The following SLC18A1 variants were observed in gnomAD, a reference collection of about 807,000 sequenced individuals.
The protein encoded by SLC18A1 is chromaffin granule amine transporter.
In SLC18A1, 69 loss-of-function variants were observed where a neutral mutation model predicts 53.7. The observed-to-expected ratio is 1.28, with a 90% confidence interval of 1.06 to 1.57. The LOEUF (loss-of-function observed/expected upper bound fraction) is 1.57, where lower values mean the gene tolerates loss of function less well. SLC18A1 is among the 40% of genes most tolerant of loss of function. The pLI, the probability that SLC18A1 is intolerant of heterozygous loss-of-function variation, is 0.00. For synonymous variants in SLC18A1, 320 were observed against 248.1 expected (o/e 1.29, Z -2.72); for missense variants, 932 against 668.1 (o/e 1.40, Z -4.35).
At chr8:20,147,012 C>A (rs1206437500) in intron 15 of SLC18A1, among the ~76,000 whole-genome samples, 1 of 152,110 alleles carries the variant, frequency 6.6e-6, no homozygotes, top group Admixed American at 6.5e-5. Flanking sequence ...GCCCCCATTT[C>A]CCTTCTCTAC....
At chr8:20,174,128 G>A (rs2072196538) in intron 5 of SLC18A1, among the ~76,000 whole-genome samples, 1 of 151,934 alleles carries the variant, frequency 6.6e-6, no homozygotes, top group Non-Finnish European at 1.5e-5. Context: ...GCCCGGGTTG[G>A]TCTCAGACTC....
chr8:20,177,732 G>A (rs2072286258), intron 4 of SLC18A1, among the ~76,000 whole-genome samples: 1 of 152,194 alleles, frequency 6.6e-6, no homozygotes, highest in Non-Finnish European at 1.5e-5. Flanking sequence ...AACCAAGGCT[G>A]GATCCACAGG....
chr8:20,148,144 C>T, intron 12 of SLC18A1, 74 bp from the exon 13 acceptor site: 2 of 1,294,214 alleles, frequency 1.5e-6, no homozygotes, highest in Non-Finnish European at 2.2e-6. Flanking sequence ...AGAGTTTTCA[C>T]ATGAAATGCA....
intron 12 of SLC18A1, 70 bp downstream of exon 12, chr8:20,149,606 C>G (rs1160847127): frequency 1.1e-5 from 14 of 1,234,488 alleles, no homozygotes; most frequent in Non-Finnish European, 4.7e-6. Flanking sequence ...CTCTCTCTCT[C>G]TCTCTCTCTC....
intron 4 of SLC18A1, 66 bp downstream of exon 4, chr8:20,178,369 C>A (rs1563772006): frequency 3.1e-6 from 4 of 1,300,368 alleles, no homozygotes; most frequent in Non-Finnish European, 4.4e-6. Flanking sequence ...GCTATCTACA[C>A]CGCATTCACT....
chr8:20,163,897 T>G (rs1003296853), intron 10 of SLC18A1, among the ~76,000 whole-genome samples: 1 of 152,118 alleles, frequency 6.6e-6, no homozygotes, highest in Non-Finnish European at 1.5e-5. Flanking sequence ...CTGCTCTGTG[T>G]TGTAGCTGCT....
intron 6 of SLC18A1, among the ~76,000 whole-genome samples, chr8:20,172,222 G>A (rs1269158054): frequency 1.3e-5 from 2 of 152,224 alleles, no homozygotes. Context: ...TCATTTGGGA[G>A]CTTATTCATT....
At chr8:20,170,836 T>TATAGATAGATAGATAG (rs57375699) in intron 8 of SLC18A1, among the ~76,000 whole-genome samples, 8 of 151,320 alleles carry the variant, frequency 5.3e-5, no homozygotes, top group Admixed American at 1.3e-4. Context: ...GTGTCGAATA[T>TATAGATAGATAGATAG]ATAGATAGAT....
chr8:20,155,829 T>C (rs561464364), intron 10 of SLC18A1, among the ~76,000 whole-genome samples: 1 of 152,168 alleles, frequency 6.6e-6, no homozygotes, highest in South Asian at 2.1e-4. Context: ...ACCCACGGAG[T>C]CTTGCCCCTG....
rs571573648 is a variant in SLC18A1 at position 20,160,648 on chromosome 8, T to C, written c.1015+4221A>G. Among the ~76,000 whole-genome samples the C allele has an allele frequency of 1.2e-4, 18 of 152,346 alleles. No individual in the cohort carries two copies. The South Asian group carries it at 3.3e-3, about 28-fold the overall frequency. On this transcript the variant is annotated intron_variant, in intron 10 of 15. Coordinates refer to ENST00000276373, the MANE Select transcript of SLC18A1 (RefSeq NM_003053.4). ...GATGAAAATGACTCTGAAAAATACC[T>C]ACTTTTTTACAAATTAAAAAACTGA...
At chr8:20,171,524 G>C (rs752538249) in intron 6 of SLC18A1, 30 bp from the exon 7 acceptor site, 20 of 1,551,320 alleles carry the variant, frequency 1.3e-5, no homozygotes, top group Non-Finnish European at 1.7e-5. Flanking sequence ...ACAGATTCCA[G>C]AGGTGAGGGT....
At chr8:20,165,376 T>G (rs1222543938) in intron 8 of SLC18A1, among the ~76,000 whole-genome samples, 1 of 152,108 alleles carries the variant, frequency 6.6e-6, no homozygotes, top group African/African-American at 2.4e-5. Flanking sequence ...GTTCCTGCGT[T>G]CACGTGACCA....
At chr8:20,180,276 CT>C (rs1319910913) in intron 2 of SLC18A1, among the ~76,000 whole-genome samples, 1 of 151,900 alleles carries the variant, frequency 6.6e-6, no homozygotes, top group Non-Finnish European at 1.5e-5. Flanking sequence ...CAGAAAGATC[CT>C]TTTTTAAAAA....
chr8:20,178,604 T>G (rs1163843121), intron 3 of SLC18A1, 111 bp from the exon 4 acceptor site: 1 of 762,000 alleles, frequency 1.3e-6, no homozygotes, highest in Non-Finnish European at 2.2e-6. Context: ...GGGTGTATGG[T>G]AAAACATGCC....
intron 10 of SLC18A1, among the ~76,000 whole-genome samples, chr8:20,156,576 G>A (rs1007573220): frequency 2.0e-5 from 3 of 152,162 alleles, no homozygotes; most frequent in African/African-American, 7.2e-5. Flanking sequence ...CTGCTCAAAG[G>A]TGTGAGCTGT....
intron 3 of SLC18A1, 148 bp downstream of exon 3, chr8:20,178,973 T>C (rs1217041185): frequency 5.5e-6 from 5 of 910,926 alleles, no homozygotes; most frequent in Non-Finnish European, 8.2e-6. Flanking sequence ...CATGTTATTC[T>C]TTGAGTAACG....
chr8:20,158,400 A>C (rs2071734515), intron 10 of SLC18A1, among the ~76,000 whole-genome samples: 1 of 152,170 alleles, frequency 6.6e-6, no homozygotes, highest in Admixed American at 6.5e-5. Flanking sequence ...GGGCCATTAT[A>C]CACCTGAACA....
chr8:20,147,153 CAG>C, intron 15 of SLC18A1, 103 bp downstream of exon 15: 12 of 1,234,134 alleles, frequency 9.7e-6, no homozygotes, highest in Non-Finnish European at 1.3e-5. Flanking sequence ...AGAGTATCAA[CAG>C]AGCAATAGAG....
chr8:20,162,255 G>T (rs1235166300), intron 10 of SLC18A1, among the ~76,000 whole-genome samples: 2 of 152,178 alleles, frequency 1.3e-5, no homozygotes, highest in Non-Finnish European at 2.9e-5. Flanking sequence ...GGGAAGCACA[G>T]CTTCGAAGGT....
Sources: allele counts gnomAD v4.1 joint callset (sites outside exome capture counted in the v4.1 genomes callset), GRCh38; gene constraint gnomAD v4.1.1; transcripts MANE v1.5; gene names NCBI Gene and HGNC (gene_info 2026-07-23, HGNC 2026-07-21).